The following EPM2A variants were observed in gnomAD, a reference collection of about 807,000 sequenced individuals.
The protein encoded by EPM2A is EPM2A glucan phosphatase, laforin.
A neutral mutation model predicts 26.5 loss-of-function variants in EPM2A; 21 were observed. The observed-to-expected ratio is 0.79, with a 90% CI of 0.56 to 1.14. The LOEUF (loss-of-function observed/expected upper bound fraction) is 1.14, where lower values mean the gene tolerates loss of function less well. Ranked by LOEUF, EPM2A falls within the 50% of genes most tolerant of loss-of-function variation. EPM2A has a pLI of 0.00. For missense variants in EPM2A, 458 were observed against 440.8 expected, an observed-to-expected ratio of 1.04 and a Z score of -0.35; for synonymous variants, 217 against 177.6, an observed-to-expected ratio of 1.22 and a Z score of -1.76.
chr6:145,617,114 T>C (rs968711815), intron 2 of EPM2A, among the ~76,000 whole-genome samples: 4 of 152,156 alleles, frequency 2.6e-5, no homozygotes, highest in African/African-American at 4.8e-5. Flanking sequence ...AATTGCCACA[T>C]GTTGTGGAAG....
Position 145,628,384 on chromosome 6 carries a change from G to A in EPM2A, c.719-691C>T, listed in dbSNP as rs117594414. On this transcript the variant is annotated intron_variant, in intron 3 of 3. Transcript: ENST00000367519. ...GATTATTCAAATATCTTCTCAACAC[G>A]CCAGGAGAGGACACGTTATGCCCTG... 3.4e-3 allele frequency: 524 copies of A among 153,300 alleles called. 2 individuals are homozygous for A. Among genetic ancestry groups the A allele is most frequent in the Non-Finnish European group, 5.8e-3 (402 of 68,878 alleles). The allele number at this position is 153,300 out of a possible 1,614,324, so 9.5% of individuals were successfully genotyped here.
At chr6:145,643,002 G>T (rs1390779423) in intron 2 of EPM2A, among the ~76,000 whole-genome samples, 2 of 152,138 alleles carry the variant, frequency 1.3e-5, no homozygotes, top group Admixed American at 1.3e-4. Flanking sequence ...GTGTAGCAGA[G>T]ACTAGAGAGG....
intron 2 of EPM2A, among the ~76,000 whole-genome samples, chr6:145,676,610 C>G (rs1780062357): frequency 6.6e-6 from 1 of 151,876 alleles, no homozygotes; most frequent in African/African-American, 2.4e-5. Context: ...ACCACCGATC[C>G]CAAAAAAATA....
intron 4 of EPM2A, among the ~76,000 whole-genome samples, chr6:145,392,803 C>A (rs933548470): frequency 7.2e-5 from 11 of 152,190 alleles, no homozygotes; most frequent in Admixed American, 5.2e-4. Context: ...ATAGATCAAC[C>A]ATGAGGGTTT....
At chr6:145,596,492 A>T (rs1191821885) in intron 2 of EPM2A, among the ~76,000 whole-genome samples, 1 of 152,336 alleles carries the variant, frequency 6.6e-6, no homozygotes, top group Admixed American at 6.5e-5. Flanking sequence ...AAGTTTTATA[A>T]CATATATGTA....
At chr6:145,445,893 T>C (rs1779122955) in intron 4 of EPM2A, among the ~76,000 whole-genome samples, 2 of 152,344 alleles carry the variant, frequency 1.3e-5, no homozygotes, top group Admixed American at 1.3e-4. Context: ...AAAGCACATG[T>C]AAATGATGCT....
At chr6:145,620,419 G>A (rs1775608591), downstream of EPM2A, among the ~76,000 whole-genome samples, 1 of 152,142 alleles carries the variant, frequency 6.6e-6, no homozygotes, top group South Asian at 2.1e-4. Context: ...AACAGGCCAT[G>A]GACCACTACT....
chr6:145,423,873 A>G (rs1414356324), intron 4 of EPM2A, among the ~76,000 whole-genome samples: 1 of 152,234 alleles, frequency 6.6e-6, no homozygotes, highest in Admixed American at 6.5e-5. Context: ...AGATTCAGGC[A>G]TTAGTATTAC....
At chr6:145,544,195 C>G (rs1046815639) in intron 2 of EPM2A, among the ~76,000 whole-genome samples, 3 of 152,102 alleles carry the variant, frequency 2.0e-5, no homozygotes, top group Non-Finnish European at 4.4e-5. Context: ...GTCTGATTCC[C>G]TAACCTCCAT....
chr6:145,626,393 T>G lies in EPM2A; in HGVS notation c.*1023A>C. Reference sequence around the variant, plus strand: ...GGTCATTTGGGCTCTTTTGGTAGTATAGTTCCTCTCATGAATTTCCACTCT... The same window carrying G: ...GGTCATTTGGGCTCTTTTGGTAGTAGAGTTCCTCTCATGAATTTCCACTCT... On this transcript the variant is annotated 3_prime_UTR_variant, in exon 4 of 4. Coordinates refer to ENST00000367519, the MANE Select transcript of EPM2A (RefSeq NM_005670.4). 4.1e-6 allele frequency: 4 copies of G among 985,984 alleles called. No individual in the cohort carries two copies. Among genetic ancestry groups the G allele is most frequent in the Non-Finnish European group, 4.8e-6 (4 of 830,016 alleles). The allele number at this position is 985,984 out of a possible 1,614,324, so 61.1% of individuals were successfully genotyped here. A position where few individuals can be genotyped will look rare whatever the true frequency, so the allele number is the denominator to read the frequency against.
intron 1 of EPM2A, among the ~76,000 whole-genome samples, chr6:145,702,621 A>G (rs1781983369): frequency 6.6e-6 from 1 of 152,118 alleles, no homozygotes; most frequent in Non-Finnish European, 1.5e-5. Context: ...ATTACCTTAC[A>G]CCTCTTCCAG....
chr6:145,496,728 A>ATTTT (rs1554244200), downstream of EPM2A, among the ~76,000 whole-genome samples: 5 of 106,908 alleles, frequency 4.7e-5, no homozygotes, highest in Non-Finnish European at 7.9e-5. Context: ...AGTTCCTGCA[A>ATTTT]TTTTTTTTTT....
At chr6:145,528,634 C>A (rs1258203036) in intron 2 of EPM2A, among the ~76,000 whole-genome samples, 1 of 152,060 alleles carries the variant, frequency 6.6e-6, no homozygotes, top group Non-Finnish European at 1.5e-5. Context: ...ATATTATTGA[C>A]AATGTACCTG....
At chr6:145,488,769 C>CT (rs1432869542) in intron 4 of EPM2A, among the ~76,000 whole-genome samples, 2 of 151,928 alleles carry the variant, frequency 1.3e-5, no homozygotes, top group Non-Finnish European at 2.9e-5. Context: ...TGATGCTCAT[C>CT]TTTTTTTCAT....
intron 4 of EPM2A, among the ~76,000 whole-genome samples, chr6:145,495,576 T>TTTAC (rs774814049): frequency 6.6e-6 from 1 of 152,060 alleles, no homozygotes; most frequent in Non-Finnish European, 1.5e-5. Context: ...GGATGCTTTA[T>TTTAC]TTATTTATTT....
Position 145,456,652 on chromosome 6 carries a change from G to T in EPM2A, c.555+45870C>A, listed in dbSNP as rs975639870. On this transcript the variant is annotated intron_variant, in intron 4 of 4. Transcript: ENST00000638717. Reference sequence around the variant, plus strand: ...ATTGGGGCTTACTATGTACTAAACAGAGGAAAAAATTAAGAGGAATTGGAG... The same window carrying T: ...ATTGGGGCTTACTATGTACTAAACATAGGAAAAAATTAAGAGGAATTGGAG... Among the ~76,000 whole-genome samples the T allele has an allele frequency of 3.3e-5, 5 of 152,096 alleles. No homozygotes were observed. The South Asian group carries it at 1.0e-3, about 32-fold the overall frequency.
chr6:145,430,918 T>C (rs750788338), intron 4 of EPM2A, among the ~76,000 whole-genome samples: 1 of 152,192 alleles, frequency 6.6e-6, no homozygotes, highest in Non-Finnish European at 1.5e-5. Context: ...ATATAAAACA[T>C]GAATGCTAAA....
intron 1 of EPM2A, 29 bp downstream of exon 1, chr6:145,735,169 C>T (rs1318654919): frequency 2.1e-6 from 3 of 1,460,364 alleles, no homozygotes; most frequent in Middle Eastern, 2.0e-4. Flanking sequence ...TCCCGCTCTG[C>T]GCCGGGGGCA....
chr6:145,404,594 T>C (rs1778541591), intron 4 of EPM2A, among the ~76,000 whole-genome samples: 1 of 152,138 alleles, frequency 6.6e-6, no homozygotes, highest in African/African-American at 2.4e-5. Context: ...TTCGTTTCAA[T>C]GGTAGCCCTC....
Sources: gnomAD v4.1 joint callset for allele counts (sites outside exome capture counted in the v4.1 genomes callset) on GRCh38, gnomAD v4.1.1 for gene constraint, MANE v1.5 for transcripts, NCBI Gene and HGNC (gene_info 2026-07-23, HGNC 2026-07-21) for gene names.